Variants in GUCY2C observed in about 807,000 individuals in gnomAD.
The protein encoded by GUCY2C is guanylate cyclase 2C.
In GUCY2C, 118 loss-of-function variants were observed where a neutral mutation model predicts 131.1. The ratio of observed to expected loss-of-function variants is 0.90; its 90% CI spans 0.78 to 1.05. The LOEUF is 1.05. Ranked by LOEUF, GUCY2C falls within the 50% of genes least tolerant of loss-of-function variation. The pLI is 0.00. For missense variants in GUCY2C, 1,161 were observed against 1,304.4 expected, an observed-to-expected ratio of 0.89 and a Z score of 1.69; for synonymous variants, 452 against 457.8, an observed-to-expected ratio of 0.99 and a Z score of 0.16.
At chr12:14,670,921 T>G (rs1948094324) in intron 9 of GUCY2C, among the ~76,000 whole-genome samples, 1 of 151,700 alleles carries the variant, frequency 6.6e-6, no homozygotes, top group Non-Finnish European at 1.5e-5. Context: ...TGAAAGGCAC[T>G]TCTTACATGG....
At chr12:14,685,811 T>A (rs1565636125) in intron 3 of GUCY2C, among the ~76,000 whole-genome samples, 2 of 152,196 alleles carry the variant, frequency 1.3e-5, no homozygotes, top group Non-Finnish European at 2.9e-5. Flanking sequence ...GCACTTTCTT[T>A]TGTGTTTCCC....
In GUCY2C at chr12:14,615,872, C is replaced by T. The variant is rs113430383; in HGVS notation, c.2970+761G>A. 3.4e-3 allele frequency among the ~76,000 whole-genome samples: 524 copies of T among 152,022 alleles called. 4 individuals are homozygous for T. Among genetic ancestry groups the T allele is most frequent in the African/African-American group, 0.012 (496 of 41,484 alleles). On this transcript the variant is annotated intron_variant, in intron 25 of 26. Coordinates refer to ENST00000261170, the MANE Select transcript of GUCY2C (RefSeq NM_004963.4). ...TAAAGGCCAGAAGCATTATGGCTAC[C>T]GGAGACAGGTAACTTACAGTTAATA...
Position 14,679,704 on chromosome 12 carries a change from G to A in GUCY2C, c.783C>T (p.Asp261=), listed in dbSNP as rs1320849605. Residue 261 remains aspartate (D), a synonymous_variant, in exon 6 of 27, where the codon GAC becomes GAT. Transcript: ENST00000261170. ...GPEFLYKLKG[D]RAVAEDIVII... ...TGACAATGTCTTCAGCCACTGCTCG[G>A]TCACCCTTCAGCTTGTAGAGGAACT... The A allele has an allele frequency of 1.2e-6, 2 of 1,602,324 alleles. No homozygotes were observed. The highest frequency in any genetic ancestry group is 1.1e-5 in the South Asian group (1 of 90,840).
intron 2 of GUCY2C, 58 bp downstream of exon 2, chr12:14,687,893 A>C: frequency 1.1e-6 from 1 of 913,674 alleles, no homozygotes. Flanking sequence ...TACATTTCAC[A>C]CTGGGATTAT....
chr12:14,683,292 A>G, intron 3 of GUCY2C, 35 bp from the exon 4 acceptor site: 3 of 1,327,992 alleles, frequency 2.3e-6, no homozygotes, highest in Non-Finnish European at 3.3e-6. Flanking sequence ...AGCCATTATC[A>G]GTATTAACTT....
At chr12:14,694,120 T>C (rs1948619098) in intron 1 of GUCY2C, among the ~76,000 whole-genome samples, 1 of 152,222 alleles carries the variant, frequency 6.6e-6, no homozygotes, top group South Asian at 2.1e-4. Flanking sequence ...TATTCTAATT[T>C]ATAGGTGTGG....
chr12:14,679,972 A>G (rs79403413), intron 5 of GUCY2C, among the ~76,000 whole-genome samples: 1,713 of 151,994 alleles, frequency 0.011, 48 homozygotes, highest in African/African-American at 0.039. Context: ...CATCTCGTCC[A>G]TCATTCTTTT....
chr12:14,646,129 C>T (rs1947518943), intron 15 of GUCY2C, among the ~76,000 whole-genome samples: 1 of 152,300 alleles, frequency 6.6e-6, no homozygotes, highest in Admixed American at 6.5e-5. Context: ...AGCCACCGCG[C>T]CCCGCCTATA....
At chr12:14,620,947 G>A (rs1946882941) in intron 23 of GUCY2C, 95 bp downstream of exon 23, 1 of 937,534 alleles carries the variant, frequency 1.1e-6, no homozygotes, top group Admixed American at 2.7e-5. Flanking sequence ...ATTATGTGAG[G>A]TCGATCACAC....
In GUCY2C at chr12:14,645,238, G is replaced by A. The variant is rs138096643; in HGVS notation, c.1788C>T (p.Asp596=). The change falls in exon 16 of 27, where the codon GAC becomes GAT. Residue 596 remains aspartate (D), a synonymous_variant. Coordinates refer to ENST00000261170, the MANE Select transcript of GUCY2C (RefSeq NM_004963.4). ...DWEFKISVLY[D]IAKGMSYLHS... ...TGTGTGTTTCTCTTACCTTAGCAATGTCATACAAGACAGAGATCTTAAACT... is the reference window on the plus strand; with the variant it reads ...TGTGTGTTTCTCTTACCTTAGCAATATCATACAAGACAGAGATCTTAAACT... 1.6e-5 allele frequency: 24 copies of A among 1,545,950 alleles called. No homozygotes were observed. The African/African-American group carries it at 3.0e-4, about 19-fold the overall frequency.
intron 19 of GUCY2C, among the ~76,000 whole-genome samples, chr12:14,630,552 A>G (rs1025365049): frequency 1.3e-5 from 2 of 152,184 alleles, no homozygotes; most frequent in East Asian, 1.9e-4. Flanking sequence ...TTTACATAGT[A>G]TTTACATCAT....
In GUCY2C at chr12:14,613,415, A is replaced by C. The variant is rs533148204; in HGVS notation, c.3048-124T>G. ...TGAATGCCTATTCTGTGCTAGACAC[A>C]GGAAATCCAAAGAATACAAAATGAT... is the stretch of plus-strand genomic sequence containing the variant. On this transcript the variant is annotated intron_variant, in intron 26 of 26. Coordinates refer to ENST00000261170, the MANE Select transcript of GUCY2C (RefSeq NM_004963.4). The surrounding 1 kb of genome is among the most constrained non-coding windows in gnomAD (Gnocchi z 4.9). The C allele has an allele frequency of 7.6e-5, 55 of 719,398 alleles. No homozygotes were observed. The African/African-American group carries it at 8.1e-4, about 11-fold the overall frequency. The allele number at this position is 719,398 out of a possible 1,614,324, so 44.6% of individuals were successfully genotyped here.
At chr12:14,657,358 C>T (rs1430229483) in intron 11 of GUCY2C, among the ~76,000 whole-genome samples, 1 of 152,104 alleles carries the variant, frequency 6.6e-6, no homozygotes, top group Non-Finnish European at 1.5e-5. Context: ...CCCATCTGTG[C>T]CTTTTCAAAA....
intron 2 of GUCY2C, among the ~76,000 whole-genome samples, chr12:14,687,050 T>C (rs1335478802): frequency 1.3e-5 from 2 of 152,166 alleles, no homozygotes; most frequent in East Asian, 3.9e-4. Context: ...CTTTATTTCC[T>C]TAAAGCTCTG....
intron 11 of GUCY2C, 135 bp from the exon 12 acceptor site, chr12:14,656,752 C>CACCATGT (rs1947770921): frequency 8.0e-6 from 4 of 499,416 alleles, no homozygotes; most frequent in Non-Finnish European, 1.1e-5. Context: ...AATGACAGAA[C>CACCATGT]ACCATGTCCT....
intron 19 of GUCY2C, among the ~76,000 whole-genome samples, chr12:14,635,048 A>T (rs905843990): frequency 2.6e-5 from 4 of 152,240 alleles, no homozygotes; most frequent in African/African-American, 9.6e-5. Flanking sequence ...TCTCAGCATT[A>T]AACAGATCAT....
intron 15 of GUCY2C, among the ~76,000 whole-genome samples, chr12:14,651,076 C>T (rs1021911896): frequency 2.1e-4 from 32 of 151,980 alleles, no homozygotes; most frequent in Non-Finnish European, 3.8e-4. Context: ...GCTTATTTGG[C>T]GCTATCATAA....
chr12:14,615,062 C>T (rs1376254622), intron 25 of GUCY2C, 119 bp from the exon 26 acceptor site: 1 of 552,630 alleles, frequency 1.8e-6, no homozygotes, highest in African/African-American at 2.0e-5. Context: ...CTCATCAGTG[C>T]CAATATTTAA....
intron 23 of GUCY2C, 50 bp from the exon 24 acceptor site, chr12:14,619,359 G>T: frequency 8.8e-7 from 1 of 1,137,822 alleles, no homozygotes; most frequent in Non-Finnish European, 1.3e-6. Context: ...AAATTGCAGA[G>T]TAGAGTGAAG....
Sources: gnomAD v4.1 joint callset for allele counts (sites outside exome capture counted in the v4.1 genomes callset) on GRCh38, gnomAD v4.1.1 for gene constraint, Gnocchi (gnomAD v3.1) non-coding constraint, MANE v1.5 for transcripts, NCBI Gene and HGNC (gene_info 2026-07-23, HGNC 2026-07-21) for gene names.